The following TENM1 variants were observed in gnomAD, a reference collection of about 807,000 sequenced individuals.
The protein encoded by TENM1 is teneurin-1.
In TENM1, 35 loss-of-function variants were observed where a neutral mutation model predicts 174.8. That is an observed-to-expected ratio of 0.20 (90% confidence interval 0.15 to 0.27). The LOEUF is 0.27. Ranked by LOEUF, TENM1 falls within the 10% of genes least tolerant of loss-of-function variation. The pLI, the probability that TENM1 is intolerant of heterozygous loss-of-function variation, is 1.00. For synonymous variants in TENM1, 781 were observed against 798.7 expected (o/e 0.98, Z 0.37); for missense variants, 1,633 against 2,130.1 (o/e 0.77, Z 4.59).
intron 21 of TENM1, among the ~76,000 whole-genome samples, chrX:124,483,189 T>A (rs1394481277): frequency 8.9e-6 from 1 of 112,380 alleles, no homozygotes; most frequent in Admixed American, 9.5e-5. Flanking sequence ...TAATTCATTC[T>A]TACATGTCTT....
At chrX:124,530,009 A>C in intron 15 of TENM1, 26 bp from the exon 19 acceptor site, 1 of 1,201,527 alleles carries the variant, frequency 8.3e-7, no homozygotes, top group Non-Finnish European at 1.1e-6. Context: ...AAAGGCAAAC[A>C]GAAAAGCATG....
intron 14 of TENM1, among the ~76,000 whole-genome samples, chrX:124,551,984 T>C (rs1161475446): frequency 8.9e-6 from 1 of 112,156 alleles, no homozygotes; most frequent in Non-Finnish European, 1.9e-5. Context: ...AATGTGTTCA[T>C]TTTATGAACT....
intron 23 of TENM1, among the ~76,000 whole-genome samples, chrX:124,437,966 T>C (rs1433053664): frequency 8.9e-6 from 1 of 112,269 alleles, no homozygotes; most frequent in African/African-American, 3.2e-5. Context: ...GTATTTCCAT[T>C]TGATAAAGAG....
intron 27 of TENM1, among the ~76,000 whole-genome samples, chrX:124,397,796 C>T (rs2060353482): frequency 9.2e-6 from 1 of 108,641 alleles, no homozygotes; most frequent in Non-Finnish European, 1.9e-5. Context: ...CGGGGTTTCA[C>T]CATGTTGGCC....
At chrX:124,467,098 C>A (rs1324823652) in intron 22 of TENM1, among the ~76,000 whole-genome samples, 1 of 111,359 alleles carries the variant, frequency 9.0e-6, no homozygotes, top group African/African-American at 3.3e-5. Flanking sequence ...CCTTTTCCCC[C>A]AAACCCATTA....
At chrX:124,469,616 C>T (rs1358368201) in intron 22 of TENM1, among the ~76,000 whole-genome samples, 1 of 111,232 alleles carries the variant, frequency 9.0e-6, no homozygotes, top group Admixed American at 9.6e-5. Flanking sequence ...TATATTATAT[C>T]TTTACGACAG....
At chrX:124,903,392 A>C (rs1271674202) in intron 1 of TENM1, among the ~76,000 whole-genome samples, 1 of 111,513 alleles carries the variant, frequency 9.0e-6, no homozygotes, top group Non-Finnish European at 1.9e-5. Flanking sequence ...AATCTGTAAA[A>C]ATGGCTCAAA....
chrX:124,519,821 G>A (rs1250913274), intron 18 of TENM1, among the ~76,000 whole-genome samples: 1 of 111,198 alleles, frequency 9.0e-6, no homozygotes. Flanking sequence ...ATGAAATTAT[G>A]GTAGTGGTAG....
At chrX:125,111,658 C>T in the TENM1 span, among the ~76,000 whole-genome samples, 1 of 111,161 alleles carries the variant, frequency 9.0e-6, no homozygotes, top group Non-Finnish European at 1.9e-5. Context: ...TAAACTGATG[C>T]ACAGAGAGGA....
At chrX:125,200,630 C>CGTGT in the TENM1 span, among the ~76,000 whole-genome samples, 31 of 92,282 alleles carry the variant, frequency 3.4e-4, 1 homozygote, top group African/African-American at 8.0e-4. Context: ...CAATTGCTTC[C>CGTGT]GTGTGTGTGT....
chrX:125,188,003 A>G, the TENM1 span, among the ~76,000 whole-genome samples: 20 of 110,918 alleles, frequency 1.8e-4, no homozygotes, highest in Admixed American at 2.9e-4. Context: ...GAAAGTTATA[A>G]TATGTTTTTA....
At chrX:125,123,304 G>A in the TENM1 span, among the ~76,000 whole-genome samples, 1 of 110,444 alleles carries the variant, frequency 9.1e-6, no homozygotes, top group Admixed American at 9.8e-5. Flanking sequence ...AAAAACCAAG[G>A]TTGGGTGTGG....
chrX:124,824,210 A>T (rs767203632), intron 3 of TENM1, among the ~76,000 whole-genome samples: 3 of 112,210 alleles, frequency 2.7e-5, no homozygotes, highest in African/African-American at 9.7e-5. Flanking sequence ...TTTCCTAAAA[A>T]CTTTTAAGAG....
chrX:125,121,492 T>A, the TENM1 span, among the ~76,000 whole-genome samples: 1 of 112,151 alleles, frequency 8.9e-6, no homozygotes. Flanking sequence ...ATTGTGGAAT[T>A]TGTCCCATTT....
chrX:124,528,352 T>G (rs1202540461), intron 16 of TENM1, among the ~76,000 whole-genome samples: 4 of 111,967 alleles, frequency 3.6e-5, no homozygotes, highest in Non-Finnish European at 7.5e-5. Context: ...AAGATTCTTT[T>G]AGGTTCTTGT....
chrX:124,730,089 G>A (rs777132711), intron 4 of TENM1, among the ~76,000 whole-genome samples: 55 of 110,311 alleles, frequency 5.0e-4, no homozygotes, highest in Non-Finnish European at 7.8e-4. Context: ...AGGCTGGTCC[G>A]GAACTCCTGA....
At chrX:124,718,854 AG>A (rs1462429125) in intron 4 of TENM1, among the ~76,000 whole-genome samples, 4 of 112,215 alleles carry the variant, frequency 3.6e-5, no homozygotes, top group African/African-American at 1.3e-4. Context: ...CTACAAAAAA[AG>A]TGTTTCTCAA....
chrX:124,847,761 C>A (rs977844955), intron 3 of TENM1, among the ~76,000 whole-genome samples: 1 of 111,760 alleles, frequency 8.9e-6, no homozygotes, highest in Non-Finnish European at 1.9e-5. Flanking sequence ...CTCCACAAAT[C>A]ACAATGGTTA....
At chrX:124,559,403 C>A (rs1270521278) in intron 14 of TENM1, among the ~76,000 whole-genome samples, 2 of 111,556 alleles carry the variant, frequency 1.8e-5, no homozygotes, top group Non-Finnish European at 3.8e-5. Flanking sequence ...TGCAGTGGCT[C>A]ACACCTGAAA....
Sources: allele counts gnomAD v4.1 joint callset (sites outside exome capture counted in the v4.1 genomes callset), GRCh38; gene constraint gnomAD v4.1.1; transcripts MANE v1.5; gene names NCBI Gene and HGNC (gene_info 2026-07-23, HGNC 2026-07-21).